CBFA2T3: variants seen among roughly 807,000 people sequenced by gnomAD.
CBFA2T3 encodes CBFA2/RUNX1 partner transcriptional co-repressor 3.
In CBFA2T3, 31 loss-of-function variants were observed where a neutral mutation model predicts 58.6. The ratio of observed to expected loss-of-function variants is 0.53; its 90% CI spans 0.40 to 0.71. The LOEUF (loss-of-function observed/expected upper bound fraction) is 0.71, where lower values mean the gene tolerates loss of function less well. Among genes scored for constraint, CBFA2T3 ranks in the 30% least tolerant of loss-of-function variants. The pLI, the probability that CBFA2T3 is intolerant of heterozygous loss-of-function variation, is 0.00. For synonymous variants in CBFA2T3, 531 were observed against 421.9 expected, an observed-to-expected ratio of 1.26 and a Z score of -3.17; for missense variants, 1,076 against 963.1, an observed-to-expected ratio of 1.12 and a Z score of -1.55.
At position 88,885,875 on chromosome 16, in the gene CBFA2T3, G is replaced by T; in HGVS notation, c.893+86C>A. The T allele has an allele frequency of 8.1e-7, 1 of 1,227,994 alleles. No individual in the cohort carries two copies. The highest frequency in any genetic ancestry group is 1.4e-5 in the South Asian group (1 of 72,976). 76.1% of individuals were successfully genotyped at this position (1,227,994 alleles called of 1,614,324 possible). A position where few individuals can be genotyped will look rare whatever the true frequency, so the allele number is the denominator to read the frequency against. On this transcript the variant is annotated intron_variant, in intron 6 of 11. Transcript: ENST00000268679. The surrounding 1 kb of genome is among the most constrained non-coding windows in gnomAD (Gnocchi z 5.3). ...GGCCGGGCTGGCTGCAGCCCCAGAG[G>T]AGGTTCCCTCTCTTACCCAGAGGGG... is the stretch of plus-strand genomic sequence containing the variant.
chr16:88,956,866 A>AGCCCG (rs1404145809), intron 1 of CBFA2T3, among the ~76,000 whole-genome samples: 2 of 152,194 alleles, frequency 1.3e-5, no homozygotes, highest in African/African-American at 4.8e-5. Flanking sequence ...AGCTGCACCA[A>AGCCCG]GCCCGGCCCC....
intron 3 of CBFA2T3, among the ~76,000 whole-genome samples, 184 bp downstream of exon 3, chr16:88,897,894 G>A (rs1269309770): frequency 1.3e-5 from 2 of 152,238 alleles, no homozygotes; most frequent in African/African-American, 4.8e-5. Context: ...CAGCGACCCG[G>A]CGGCTCTGCC....
At chr16:88,917,240 C>T (rs1407149473) in intron 1 of CBFA2T3, among the ~76,000 whole-genome samples, 1 of 152,174 alleles carries the variant, frequency 6.6e-6, no homozygotes, top group Non-Finnish European at 1.5e-5. Context: ...GCAGAAAGTC[C>T]CACAGACAAC....
chr16:88,916,355 C>A (rs947237566), intron 1 of CBFA2T3, among the ~76,000 whole-genome samples: 6 of 148,208 alleles, frequency 4.0e-5, no homozygotes, highest in South Asian at 2.1e-4. Context: ...GGTGTGTGTC[C>A]GTGTATATGC....
Position 88,928,304 on chromosome 16 carries a change from C to T in CBFA2T3, c.152-26648G>A, listed in dbSNP as rs562508627. 8.8e-4 allele frequency among the ~76,000 whole-genome samples: 134 copies of T among 152,280 alleles called. 1 individual carries two copies. Among genetic ancestry groups the T allele is most frequent in the African/African-American group, 3.0e-3 (124 of 41,566 alleles). On this transcript the variant is annotated intron_variant, in intron 1 of 11. Transcript: ENST00000268679. ...TTCTGGGATCCTGTGGTTTCGGGGA[C>T]GCTCCCCTACTCCCTGGCCTTGGGG... is the stretch of plus-strand genomic sequence containing the variant.
chr16:88,944,556 C>T (rs2142821789), intron 1 of CBFA2T3, among the ~76,000 whole-genome samples: 1 of 152,232 alleles, frequency 6.6e-6, no homozygotes, highest in South Asian at 2.1e-4. Context: ...CACCCTGCTG[C>T]CCTCAGGAAA....
At chr16:88,880,815 G>C (rs766322372) in intron 9 of CBFA2T3, 27 bp from the exon 10 acceptor site, 1 of 1,561,506 alleles carries the variant, frequency 6.4e-7, no homozygotes, top group Non-Finnish European at 8.7e-7. Context: ...CGTCACACAG[G>C]ATGGGCCACG....
chr16:88,876,240 TA>T lies in CBFA2T3; in HGVS notation c.*735del, dbSNP rs1171380236. On this transcript the variant is annotated 3_prime_UTR_variant, in exon 12 of 12. Coordinates refer to ENST00000268679, the MANE Select transcript of CBFA2T3 (RefSeq NM_005187.6). ...CACAAGTATGCTTCCTTTGCTTTTT[TA>T]AAAAAACTTTTTGGATTTTTACTTA... 3 of 229,756 alleles carry T rather than the reference TA, an allele frequency of 1.3e-5. No homozygotes were observed. Among genetic ancestry groups the T allele is most frequent in the African/African-American group, 2.2e-5 (1 of 45,110 alleles). The allele number at this position is 229,756 out of a possible 1,614,324, so 14.2% of individuals were successfully genotyped here.
chr16:88,946,769 C>T (rs900956225), intron 1 of CBFA2T3, among the ~76,000 whole-genome samples: 2 of 152,014 alleles, frequency 1.3e-5, no homozygotes, highest in South Asian at 4.2e-4. Context: ...ACACGAGCCA[C>T]TGCTTCTGGC....
chr16:88,896,797 C>A (rs1004190327), intron 3 of CBFA2T3, among the ~76,000 whole-genome samples: 1 of 152,178 alleles, frequency 6.6e-6, no homozygotes, highest in Non-Finnish European at 1.5e-5. Context: ...CCCCGGCCAG[C>A]CTGGGCCTGG....
chr16:88,922,706 G>A (rs552096755), intron 1 of CBFA2T3, among the ~76,000 whole-genome samples: 2 of 152,360 alleles, frequency 1.3e-5, no homozygotes, highest in East Asian at 3.9e-4. Context: ...GTCCCAGCTT[G>A]CAGCCGTCGG....
intron 1 of CBFA2T3, among the ~76,000 whole-genome samples, chr16:88,974,767 T>C (rs971044423): frequency 1.2e-4 from 18 of 151,892 alleles, no homozygotes; most frequent in Admixed American, 4.6e-4. Context: ...GCAGTTCCCA[T>C]GCCCCCCATG....
chr16:88,878,223 C>T (rs543500552), intron 11 of CBFA2T3, among the ~76,000 whole-genome samples: 56 of 152,246 alleles, frequency 3.7e-4, no homozygotes, highest in Non-Finnish European at 6.3e-4. Flanking sequence ...CTCACTTCTG[C>T]GTTTGGTGTT....
At chr16:88,886,328 G>T in intron 5 of CBFA2T3, 186 bp from the exon 6 acceptor site, 79 of 340,426 alleles carry the variant, frequency 2.3e-4, no homozygotes, top group Middle Eastern at 8.3e-4. Flanking sequence ...GGTGGCGTGG[G>T]AGGGTGGGCA....
At chr16:88,909,027 G>A (rs1365664978) in intron 1 of CBFA2T3, among the ~76,000 whole-genome samples, 8 of 152,192 alleles carry the variant, frequency 5.3e-5, no homozygotes, top group South Asian at 2.1e-4. Context: ...GGGGGGCACC[G>A]GCTCTGCCCT....
intron 1 of CBFA2T3, among the ~76,000 whole-genome samples, chr16:88,934,788 G>A (rs1971442105): frequency 6.6e-6 from 1 of 152,174 alleles, no homozygotes; most frequent in Admixed American, 6.5e-5. Flanking sequence ...CGCCCAGGCT[G>A]GAGTGCAGTG....
At chr16:88,891,454 G>A (rs1969626811) in intron 5 of CBFA2T3, among the ~76,000 whole-genome samples, 1 of 152,196 alleles carries the variant, frequency 6.6e-6, no homozygotes, top group South Asian at 2.1e-4. Context: ...ACCCCAGGGT[G>A]CTGGCTCCAG....
At position 88,892,505 on chromosome 16, in the gene CBFA2T3, A is replaced by G; in HGVS notation, c.380-20T>C. 2 of 1,609,772 alleles carry G rather than the reference A, an allele frequency of 1.2e-6. No homozygotes were observed. The highest frequency in any genetic ancestry group is 1.7e-6 in the Non-Finnish European group (2 of 1,180,000). On this transcript the variant is annotated intron_variant, in intron 3 of 11. Transcript: ENST00000268679. ...TCATCACTGCAGGAGGGAAGCGGAC[A>G]TGAGGACACAAAGGTGATGGTGACA...
intron 1 of CBFA2T3, chr16:88,951,370 C>G (rs1248482194): frequency 2.2e-6 from 1 of 456,292 alleles, no homozygotes; most frequent in Non-Finnish European, 4.4e-6. Flanking sequence ...ACTGCATGTT[C>G]TCATTTCCTT....
Sources: gnomAD v4.1 joint callset for allele counts (sites outside exome capture counted in the v4.1 genomes callset) on GRCh38, gnomAD v4.1.1 for gene constraint, Gnocchi (gnomAD v3.1) non-coding constraint, MANE v1.5 for transcripts, NCBI Gene and HGNC (gene_info 2026-07-23, HGNC 2026-07-21) for gene names.